The following SNTG2 variants were observed in gnomAD, a reference collection of about 807,000 sequenced individuals.
SNTG2 encodes syntrophin gamma 2, also known as gamma-2-syntrophin.
SNTG2 carries 74 observed loss-of-function variants against 70.9 expected under a neutral mutation model. The ratio of observed to expected loss-of-function variants is 1.04; its 90% CI spans 0.86 to 1.27. The LOEUF is 1.27. SNTG2 is among the 50% of genes most tolerant of loss of function. The pLI, the probability that SNTG2 is intolerant of heterozygous loss-of-function variation, is 0.00. For synonymous variants in SNTG2, 278 were observed against 273.8 expected (o/e 1.02, Z -0.15); for missense variants, 717 against 690.7 (o/e 1.04, Z -0.43).
intron 1 of SNTG2, among the ~76,000 whole-genome samples, chr2:1,003,178 T>C (rs11679992): frequency 0.46 from 69,959 of 151,926 alleles, 16,613 homozygotes; most frequent in Middle Eastern, 0.6. Flanking sequence ...ACTAAAAGCC[T>C]GCATGCACCA....
At chr2:980,421 A>G (rs920436141) in intron 1 of SNTG2, among the ~76,000 whole-genome samples, 2 of 152,206 alleles carry the variant, frequency 1.3e-5, no homozygotes. Flanking sequence ...TACTAGAAGG[A>G]AATATGGTAT....
intron 16 of SNTG2, among the ~76,000 whole-genome samples, chr2:1,319,874 T>C (rs1403967689): frequency 1.3e-5 from 2 of 152,190 alleles, no homozygotes; most frequent in South Asian, 2.1e-4. Context: ...TAGAAGCTAA[T>C]GCAAGACTTA....
chr2:1,311,669 T>C (rs1352208121), intron 15 of SNTG2, among the ~76,000 whole-genome samples: 1 of 152,236 alleles, frequency 6.6e-6, no homozygotes. Context: ...TATTATTGAA[T>C]ATGAAATGCT....
intron 12 of SNTG2, among the ~76,000 whole-genome samples, chr2:1,251,064 G>C (rs1039045234): frequency 1.3e-5 from 2 of 152,182 alleles, no homozygotes; most frequent in East Asian, 1.9e-4. Context: ...GGTTCTGAAG[G>C]CCTCGCTATT....
chr2:996,790 G>A (rs1324425809), intron 1 of SNTG2, among the ~76,000 whole-genome samples: 1 of 148,040 alleles, frequency 6.8e-6, no homozygotes, highest in Non-Finnish European at 1.5e-5. Flanking sequence ...ATTAACATGA[G>A]GGTTGCTCTG....
intron 2 of SNTG2, among the ~76,000 whole-genome samples, chr2:1,087,408 C>G (rs1386774870): frequency 6.6e-6 from 1 of 152,160 alleles, no homozygotes; most frequent in African/African-American, 2.4e-5. Context: ...GTACATCGTG[C>G]TCTAGCCCTG....
At chr2:1,098,522 C>T in intron 4 of SNTG2, 112 bp downstream of exon 4, 1 of 1,142,568 alleles carries the variant, frequency 8.8e-7, no homozygotes, top group Non-Finnish European at 1.3e-6. Flanking sequence ...ACCTAAACTT[C>T]CGTTTTATTT....
At chr2:982,814 G>A (rs1661153230) in intron 1 of SNTG2, among the ~76,000 whole-genome samples, 1 of 152,136 alleles carries the variant, frequency 6.6e-6, no homozygotes, top group Admixed American at 6.5e-5. Flanking sequence ...TTGTAACTGA[G>A]CCTCGCCTAG....
chr2:1,305,058 A>C (rs890408495), intron 14 of SNTG2, among the ~76,000 whole-genome samples: 2 of 152,070 alleles, frequency 1.3e-5, no homozygotes, highest in Non-Finnish European at 2.9e-5. Context: ...CTGTAAGCCC[A>C]GAGCTGTGGT....
At chr2:1,092,946 T>A (rs1572410706) in intron 2 of SNTG2, among the ~76,000 whole-genome samples, 1 of 152,214 alleles carries the variant, frequency 6.6e-6, no homozygotes, top group African/African-American at 2.4e-5. Flanking sequence ...TTATCTGATA[T>A]GTTTGTGAAA....
At chr2:1,330,630 A>T (rs1659475267) in intron 16 of SNTG2, among the ~76,000 whole-genome samples, 1 of 152,226 alleles carries the variant, frequency 6.6e-6, no homozygotes, top group Non-Finnish European at 1.5e-5. Context: ...TATGTTTCCC[A>T]TTCAATTAGT....
chr2:1,235,239 C>T (rs1184028942), intron 9 of SNTG2, among the ~76,000 whole-genome samples: 7 of 116,048 alleles, frequency 6.0e-5, no homozygotes, highest in Non-Finnish European at 9.1e-5. Flanking sequence ...TGAGAGGGGG[C>T]GCCCCTACCC....
Position 1,132,242 on chromosome 2 carries a change from T to TAC in SNTG2, c.326-5379_326-5378insCA, listed in dbSNP as rs1311549914. ...ATATGTGTATATATGTGTGTGTATATATATACACACACACACACACATACA... is the reference window on the plus strand; with the variant it reads ...ATATGTGTATATATGTGTGTGTATATACATATACACACACACACACACATACA... On this transcript the variant is annotated intron_variant, in intron 4 of 16. Transcript: ENST00000308624. Among the ~76,000 whole-genome samples, 242 of 117,050 alleles carry TAC rather than the reference T, an allele frequency of 2.1e-3. 2 individuals carry two copies. Among genetic ancestry groups the TAC allele is most frequent in the East Asian group, 2.0e-3 (9 of 4,526 alleles). The allele number at this position is 117,050 out of a possible 152,430, so 76.8% of individuals were successfully genotyped here. A position where few individuals can be genotyped will look rare whatever the true frequency, so the allele number is the denominator to read the frequency against.
At chr2:1,332,994 T>C (rs1327878790) in intron 16 of SNTG2, among the ~76,000 whole-genome samples, 1 of 152,120 alleles carries the variant, frequency 6.6e-6, no homozygotes, top group East Asian at 1.9e-4. Flanking sequence ...ACATCTAAAA[T>C]TTTGAAGAGG....
intron 1 of SNTG2, among the ~76,000 whole-genome samples, chr2:993,334 A>G (rs965689604): frequency 3.3e-5 from 5 of 150,726 alleles, no homozygotes; most frequent in Non-Finnish European, 5.9e-5. Flanking sequence ...TTCCATGCAC[A>G]TTATAGTATT....
chr2:1,338,656 T>C (rs1272996356), intron 16 of SNTG2, among the ~76,000 whole-genome samples: 1 of 152,180 alleles, frequency 6.6e-6, no homozygotes, highest in Non-Finnish European at 1.5e-5. Flanking sequence ...TTCTTTTGCT[T>C]AGAGCTTAAT....
chr2:1,027,016 C>T (rs191651987), intron 1 of SNTG2, among the ~76,000 whole-genome samples: 1 of 152,312 alleles, frequency 6.6e-6, no homozygotes. Context: ...TACCCTTGCT[C>T]CCTTGTGTGA....
At chr2:1,328,436 T>C (rs1681847457) in intron 16 of SNTG2, among the ~76,000 whole-genome samples, 1 of 152,182 alleles carries the variant, frequency 6.6e-6, no homozygotes, top group Non-Finnish European at 1.5e-5. Flanking sequence ...ACTCTGGGGC[T>C]CCGTGAGGAA....
chr2:1,262,369 A>C (rs1312538164), intron 13 of SNTG2, among the ~76,000 whole-genome samples: 1 of 152,200 alleles, frequency 6.6e-6, no homozygotes, highest in East Asian at 1.9e-4. Context: ...CAGGGACAGG[A>C]GATGACGCCA....
Sources: gnomAD v4.1 joint callset for allele counts (sites outside exome capture counted in the v4.1 genomes callset) on GRCh38, gnomAD v4.1.1 for gene constraint, MANE v1.5 for transcripts, NCBI Gene and HGNC (gene_info 2026-07-23, HGNC 2026-07-21) for gene names.